The following SVOPL variants were observed in gnomAD, a reference collection of about 807,000 sequenced individuals.
The protein encoded by SVOPL is SVOP like, also known as putative transporter SVOPL.
A neutral mutation model predicts 61.0 loss-of-function variants in SVOPL; 60 were observed. The observed-to-expected ratio is 0.98, with a 90% CI of 0.80 to 1.22. The LOEUF (loss-of-function observed/expected upper bound fraction) is 1.22, where lower values mean the gene tolerates loss of function less well. SVOPL is among the 50% of genes most tolerant of loss of function. The pLI, the probability that SVOPL is intolerant of heterozygous loss-of-function variation, is 0.00. For missense variants in SVOPL, 662 were observed against 643.9 expected, an observed-to-expected ratio of 1.03 and a Z score of -0.30; for synonymous variants, 279 against 250.0, an observed-to-expected ratio of 1.12 and a Z score of -1.09.
chr7:138,612,859 A>G (rs541261784), intron 14 of SVOPL, among the ~76,000 whole-genome samples: 21 of 151,682 alleles, frequency 1.4e-4, no homozygotes, highest in African/African-American at 4.4e-4. Context: ...ATGTTTTCCT[A>G]TATCTTTATA....
At chr7:138,689,166 T>TA in intron 1 of SVOPL, 2 of 1,011,722 alleles carry the variant, frequency 2.0e-6, no homozygotes, top group African/African-American at 3.1e-5. Context: ...ATTCCGATGT[T>TA]ACAATGGTGG....
chr7:138,681,219 ATAT>A (rs201764293), intron 1 of SVOPL, among the ~76,000 whole-genome samples: 7,849 of 148,058 alleles, frequency 0.053, 280 homozygotes, highest in African/African-American at 0.099. Flanking sequence ...AAATTAACAA[ATAT>A]TATTATTATA....
At chr7:138,628,434 C>G (rs1400776390) in intron 10 of SVOPL, 71 bp from the exon 11 acceptor site, 5 of 1,488,398 alleles carry the variant, frequency 3.4e-6, no homozygotes, top group Non-Finnish European at 4.6e-6. Context: ...GGAGGGGATA[C>G]CAAGTGGAAC....
At chr7:138,637,242 A>T (rs1316864209) in intron 9 of SVOPL, among the ~76,000 whole-genome samples, 2 of 152,068 alleles carry the variant, frequency 1.3e-5, no homozygotes, top group African/African-American at 4.8e-5. Flanking sequence ...AGCCTGCCCA[A>T]CATGGTGAAA....
chr7:138,662,280 G>C (rs1316601354), intron 5 of SVOPL: 1 of 985,434 alleles, frequency 1.0e-6, no homozygotes, highest in Admixed American at 6.1e-5. Context: ...TCCATCACAG[G>C]CTTTAAAACT....
At chr7:138,595,667 C>G (rs904747782) in intron 15 of SVOPL, among the ~76,000 whole-genome samples, 1 of 152,082 alleles carries the variant, frequency 6.6e-6, no homozygotes, top group Admixed American at 6.6e-5. Flanking sequence ...ACAAGTTGCT[C>G]GACTTGTGTC....
chr7:138,628,747 G>A (rs576103294), intron 10 of SVOPL, among the ~76,000 whole-genome samples: 6 of 152,276 alleles, frequency 3.9e-5, no homozygotes, highest in South Asian at 2.1e-4. Flanking sequence ...ATGGACTGGC[G>A]GATTTGTAAT....
intron 14 of SVOPL, among the ~76,000 whole-genome samples, chr7:138,602,748 C>CT (rs1238764832): frequency 2.0e-5 from 3 of 152,032 alleles, no homozygotes; most frequent in Non-Finnish European, 2.9e-5. Flanking sequence ...CCACAGTCCC[C>CT]TTCTCTTGCT....
chr7:138,692,939 G>C (rs1460552603), intron 1 of SVOPL, among the ~76,000 whole-genome samples: 1 of 152,262 alleles, frequency 6.6e-6, no homozygotes, highest in East Asian at 1.9e-4. Context: ...GGATTGGTAG[G>C]CATCCTACCC....
At chr7:138,622,189 T>A (rs112753146) in intron 13 of SVOPL, among the ~76,000 whole-genome samples, 22 of 92,566 alleles carry the variant, frequency 2.4e-4, no homozygotes, top group Middle Eastern at 6.2e-3. Context: ...TATGTATCTA[T>A]CTATCTATCT....
At chr7:138,649,341 TG>T (rs1801306157) in intron 7 of SVOPL, among the ~76,000 whole-genome samples, 1 of 152,216 alleles carries the variant, frequency 6.6e-6, no homozygotes, top group African/African-American at 2.4e-5. Flanking sequence ...TCACCCAGGC[TG>T]GAGTGCAGTG....
intron 1 of SVOPL, among the ~76,000 whole-genome samples, chr7:138,687,048 T>C (rs1008466663): frequency 6.6e-6 from 1 of 152,120 alleles, no homozygotes; most frequent in African/African-American, 2.4e-5. Flanking sequence ...ATAGAAAGTA[T>C]GAAAAGTTGT....
chr7:138,604,745 C>T (rs1798680693), intron 14 of SVOPL, among the ~76,000 whole-genome samples: 1 of 143,596 alleles, frequency 7.0e-6, no homozygotes, highest in Non-Finnish European at 1.5e-5. Flanking sequence ...TCTTCCAATT[C>T]AAGAAGTTAA....
At chr7:138,688,999 A>C (rs534818345) in intron 1 of SVOPL, 2 of 666,600 alleles carry the variant, frequency 3.0e-6, no homozygotes, top group Non-Finnish European at 5.6e-6. Context: ...TATTCACTTG[A>C]CCCAGAGAAC....
chr7:138,632,584 A>G (rs1425624357), intron 9 of SVOPL, among the ~76,000 whole-genome samples: 1 of 151,856 alleles, frequency 6.6e-6, no homozygotes, highest in Non-Finnish European at 1.5e-5. Context: ...TGGGGGATGG[A>G]GAAGGTGGAG....
intron 5 of SVOPL, chr7:138,660,652 A>G (rs760022281): frequency 8.1e-5 from 80 of 985,334 alleles, no homozygotes; most frequent in Admixed American, 1.8e-4. Context: ...ATATCTGTAC[A>G]TAAGTCGTTA....
chr7:138,597,641 C>CGTGTGTGTGTGT (rs60875635), intron 14 of SVOPL, among the ~76,000 whole-genome samples: 11,285 of 147,514 alleles, frequency 0.077, 547 homozygotes, highest in Non-Finnish European at 0.098. Flanking sequence ...ATAACGTCTG[C>CGTGTGTGTGTGT]GTGTGTGTGT....
Position 138,649,005 on chromosome 7 carries a change from TC to T in SVOPL, c.660+6del. 6.2e-7 allele frequency: 1 copy of T among 1,613,296 alleles called. No homozygotes were observed. Among genetic ancestry groups the T allele is most frequent in the Non-Finnish European group, 8.5e-7 (1 of 1,179,760 alleles). On this transcript the variant is annotated splice_donor_region_variant and intron_variant, in intron 8 of 15. Transcript: ENST00000674285. ...GGGACAGGAAGGAGCCACAAGTGCT[TC>T]CCCACCTTGAAGGCCACGATGAGGA...
intron 7 of SVOPL, among the ~76,000 whole-genome samples, chr7:138,653,769 C>G (rs1202861135): frequency 2.6e-5 from 4 of 151,920 alleles, no homozygotes; most frequent in African/African-American, 9.7e-5. Flanking sequence ...CCATGTCTCA[C>G]TAAAAATACA....
Sources: allele counts gnomAD v4.1 joint callset (sites outside exome capture counted in the v4.1 genomes callset), GRCh38; gene constraint gnomAD v4.1.1; transcripts MANE v1.5; gene names NCBI Gene and HGNC (gene_info 2026-07-23, HGNC 2026-07-21).